LEPR: variants seen among roughly 807,000 people sequenced by gnomAD.
The protein encoded by LEPR is OB receptor.
In LEPR, 56 loss-of-function variants were observed where a neutral mutation model predicts 114.7. That is an observed-to-expected ratio of 0.49 (90% CI 0.39 to 0.61). LEPR has a LOEUF of 0.61. Among genes scored for constraint, LEPR ranks in the 20% least tolerant of loss-of-function variants. LEPR has a pLI of 0.00. For synonymous variants in LEPR, 443 were observed against 461.4 expected (o/e 0.96, Z 0.51); for missense variants, 1,202 against 1,352.9 (o/e 0.89, Z 1.75).
chr1:65,524,351 T>G (rs909961514), intron 2 of LEPR, among the ~76,000 whole-genome samples: 2 of 152,210 alleles, frequency 1.3e-5, no homozygotes, highest in Non-Finnish European at 2.9e-5. Flanking sequence ...TGGGTTATTT[T>G]TCGCCTACCA....
At chr1:65,566,201 CTT>C (rs35617332) in intron 3 of LEPR, among the ~76,000 whole-genome samples, 3 of 113,540 alleles carry the variant, frequency 2.6e-5, no homozygotes, top group Non-Finnish European at 3.6e-5. Flanking sequence ...TAGATTAATT[CTT>C]TTTTTTTTTT....
At chr1:65,606,289 C>T (rs542254944) in intron 11 of LEPR, among the ~76,000 whole-genome samples, 2 of 152,282 alleles carry the variant, frequency 1.3e-5, no homozygotes, top group South Asian at 2.1e-4. Context: ...CCCTCCTACA[C>T]TCCCCCAAAC....
chr1:65,550,126 C>T (rs544285461), intron 2 of LEPR, among the ~76,000 whole-genome samples: 7 of 152,312 alleles, frequency 4.6e-5, no homozygotes, highest in East Asian at 3.9e-4. Flanking sequence ...TGCAGAACCG[C>T]GGATTTTCGT....
In LEPR at chr1:65,637,490, A is replaced by G. The variant is rs777269167; in HGVS notation, c.*475A>G. On this transcript the variant is annotated 3_prime_UTR_variant, in exon 20 of 20. Coordinates refer to ENST00000349533, the MANE Select transcript of LEPR (RefSeq NM_002303.6). ...TTCCTAAATGTTTAAGATAAACAGA[A>G]TTCAGCCCTGGCCTAAGGGGTTATA... 2.2e-4 allele frequency: 35 copies of G among 157,504 alleles called. No individual in the cohort carries two copies. Among genetic ancestry groups the G allele is most frequent in the Non-Finnish European group, 3.7e-4 (26 of 71,196 alleles). The allele number at this position is 157,504 out of a possible 1,614,324, so 9.8% of individuals were successfully genotyped here.
chr1:65,621,590 G>C, intron 18 of LEPR, 132 bp downstream of exon 18: 1 of 740,724 alleles, frequency 1.4e-6, no homozygotes, highest in Non-Finnish European at 2.3e-6. Flanking sequence ...ATACAATTAA[G>C]ATAGCATAAA....
chr1:65,568,873 GGTATA>G (rs1005318423), intron 3 of LEPR, among the ~76,000 whole-genome samples: 3 of 152,018 alleles, frequency 2.0e-5, no homozygotes, highest in Admixed American at 1.3e-4. Context: ...CATTCTTACT[GGTATA>G]AGATGGTATC....
chr1:65,602,598 T>G (rs1209107267), intron 10 of LEPR, among the ~76,000 whole-genome samples: 4 of 152,088 alleles, frequency 2.6e-5, no homozygotes, highest in African/African-American at 9.7e-5. Context: ...AGATTTTTAT[T>G]TTTAAAAATA....
Position 65,433,553 on chromosome 1 carries a change from GTAATTAGCAGGTA to G in LEPR, c.-21+8177_-21+8189del, listed in dbSNP as rs532431655. On this transcript the variant is annotated intron_variant, in intron 2 of 19. Coordinates refer to ENST00000349533, the MANE Select transcript of LEPR (RefSeq NM_002303.6). ...TTAATCCTTGAGGCTTGTGATCTGA[GTAATTAGCAGGTA>G]TGATGCTGGGACTGGAAAATAGAAA... 2.6e-4 allele frequency: 253 copies of G among 985,378 alleles called. 2 individuals are homozygous for G. The South Asian group carries it at 0.011, about 41-fold the overall frequency. The allele number at this position is 985,378 out of a possible 1,614,324, so 61.0% of individuals were successfully genotyped here. A position where few individuals can be genotyped will look rare whatever the true frequency, so the allele number is the denominator to read the frequency against.
At chr1:65,494,329 A>G (rs1366302461) in intron 2 of LEPR, 1 of 152,118 alleles carries the variant, frequency 6.6e-6, no homozygotes, top group Non-Finnish European at 1.5e-5. Flanking sequence ...CCTTTACATC[A>G]TAGCCTTACA....
intron 19 of LEPR, among the ~76,000 whole-genome samples, 180 bp from the exon 20 acceptor site, chr1:65,636,011 A>G (rs1166923646): frequency 6.6e-6 from 1 of 152,192 alleles, no homozygotes; most frequent in African/African-American, 2.4e-5. Context: ...AAATGCTATC[A>G]TCTTAAACGG....
intron 2 of LEPR, among the ~76,000 whole-genome samples, chr1:65,498,024 T>C (rs775779559): frequency 1.3e-5 from 2 of 152,180 alleles, no homozygotes; most frequent in South Asian, 2.1e-4. Flanking sequence ...CTGTCCCTGA[T>C]AAAATGTGGC....
At chr1:65,531,760 T>G (rs1386878160) in intron 2 of LEPR, among the ~76,000 whole-genome samples, 1 of 152,196 alleles carries the variant, frequency 6.6e-6, no homozygotes, top group Non-Finnish European at 1.5e-5. Context: ...ACATTTAGTT[T>G]CCTTCCTTTC....
At chr1:65,626,558 A>C (rs541552479) in intron 19 of LEPR, among the ~76,000 whole-genome samples, 1 of 152,220 alleles carries the variant, frequency 6.6e-6, no homozygotes, top group South Asian at 2.1e-4. Flanking sequence ...TATAACTTCA[A>C]AGATTTTATT....
Position 65,598,679 on chromosome 1 carries a change from C to T in LEPR, c.869C>T (p.Ala290Val). The T allele has an allele frequency of 1.2e-6, 2 of 1,613,386 alleles. No homozygotes were observed. Among genetic ancestry groups the T allele is most frequent in the Non-Finnish European group, 1.7e-6 (2 of 1,179,646 alleles). The change falls in exon 8 of 20, where the codon GCT becomes GTT. Residue 290 changes from alanine to valine, a missense_variant. By Grantham distance (64) the Ala-to-Val change is moderately conservative (BLOSUM62 0). Coordinates refer to ENST00000349533, the MANE Select transcript of LEPR (RefSeq NM_002303.6). ...TAACAGGCTGACAAGATTGTCTCAGCTACATCCCTGCTAGTAGACAGTATA... is the reference window on the plus strand; with the variant it reads ...TAACAGGCTGACAAGATTGTCTCAGTTACATCCCTGCTAGTAGACAGTATA... ...VIREADKIVS[A>V]TSLLVDSILP...
At chr1:65,568,552 CT>C (rs1557668071) in intron 3 of LEPR, among the ~76,000 whole-genome samples, 1 of 151,384 alleles carries the variant, frequency 6.6e-6, no homozygotes, top group Admixed American at 6.6e-5. Flanking sequence ...GAATATGCCA[CT>C]TTTTTTAATG....
rs986465341 is a variant in LEPR at position 65,613,550 on chromosome 1, G to A, written c.1996-2458G>A. Among the ~76,000 whole-genome samples the A allele has an allele frequency of 4.0e-5, 4 of 99,548 alleles. 1 individual carries two copies. The highest frequency in any genetic ancestry group is 8.6e-5 in the Non-Finnish European group (4 of 46,300). 65.3% of individuals were successfully genotyped at this position (99,548 alleles called of 152,430 possible). A position where few individuals can be genotyped will look rare whatever the true frequency, so the allele number is the denominator to read the frequency against. On this transcript the variant is annotated intron_variant, in intron 14 of 19. Coordinates refer to ENST00000349533, the MANE Select transcript of LEPR (RefSeq NM_002303.6). ...GGGTGGATCACGAGGTCAGGAGATC[G>A]AGACCATCCTGGCTAACAAGGTGAA...
intron 2 of LEPR, among the ~76,000 whole-genome samples, chr1:65,460,511 A>G (rs1176530034): frequency 6.6e-6 from 1 of 151,980 alleles, no homozygotes; most frequent in Non-Finnish European, 1.5e-5. Context: ...CGTGCCCCCT[A>G]CTCAGAATAA....
At chr1:65,593,388 C>T (rs1001769476) in intron 6 of LEPR, among the ~76,000 whole-genome samples, 1 of 152,006 alleles carries the variant, frequency 6.6e-6, no homozygotes, top group Middle Eastern at 3.2e-3. Context: ...AAATAATAGA[C>T]AACACTCTGT....
intron 2 of LEPR, among the ~76,000 whole-genome samples, chr1:65,555,863 GTC>G (rs1270933825): frequency 1.3e-5 from 2 of 152,160 alleles, no homozygotes; most frequent in Non-Finnish European, 2.9e-5. Context: ...ATAGAGGGTA[GTC>G]TGTTTGGCAT....
Sources: gnomAD v4.1 joint callset for allele counts (sites outside exome capture counted in the v4.1 genomes callset) on GRCh38, gnomAD v4.1.1 for gene constraint, MANE v1.5 for transcripts, NCBI Gene and HGNC (gene_info 2026-07-23, HGNC 2026-07-21) for gene names.